The following RIPOR3 variants were observed in gnomAD, a reference collection of about 807,000 sequenced individuals.
RIPOR3 encodes the protein family with sequence similarity 65 member C.
RIPOR3 carries 95 observed loss-of-function variants against 114.3 expected under a neutral mutation model. The observed-to-expected ratio is 0.83, with a 90% CI of 0.70 to 0.99. The LOEUF (loss-of-function observed/expected upper bound fraction) is 0.99, where lower values mean the gene tolerates loss of function less well. Among genes scored for constraint, RIPOR3 ranks in the 50% least tolerant of loss-of-function variants. The probability of loss-of-function intolerance (pLI) is 0.00; values close to 1 mark genes in which losing one functional copy is unlikely to be tolerated. For synonymous variants in RIPOR3, 575 were observed against 543.8 expected (o/e 1.06, Z -0.80); for missense variants, 1,252 against 1,266.9 (o/e 0.99, Z 0.18).
chr20:50,676,958 G>A (rs914520970), intron 1 of RIPOR3, among the ~76,000 whole-genome samples: 6 of 152,086 alleles, frequency 3.9e-5, no homozygotes, highest in Non-Finnish European at 5.9e-5. Context: ...CACCAGCTGC[G>A]TGCACCGCAT....
At chr20:50,666,181 C>CCTTTTTTCTTTTCTTTT (rs1600720832) in intron 1 of RIPOR3, among the ~76,000 whole-genome samples, 1 of 14,926 alleles carries the variant, frequency 6.7e-5, no homozygotes, top group Non-Finnish European at 4.5e-4. Flanking sequence ...GAAAGGACAC[C>CCTTTTTTCTTTTCTTTT]CATTTCTTTT....
At chr20:50,633,463 T>G (rs1425694884) in intron 1 of RIPOR3, among the ~76,000 whole-genome samples, 8 of 152,102 alleles carry the variant, frequency 5.3e-5, no homozygotes, top group Non-Finnish European at 1.0e-4. Context: ...GTTACCCCTA[T>G]CAGCACCTAT....
chr20:50,637,336 C>T (rs533886235), intron 1 of RIPOR3, among the ~76,000 whole-genome samples: 20 of 152,208 alleles, frequency 1.3e-4, no homozygotes, highest in South Asian at 4.1e-4. Flanking sequence ...GCCTGGCACA[C>T]GCCTCCCTTC....
intron 1 of RIPOR3, among the ~76,000 whole-genome samples, chr20:50,644,011 C>T (rs2085299831): frequency 6.6e-6 from 1 of 150,788 alleles, no homozygotes; most frequent in African/African-American, 2.4e-5. Flanking sequence ...CCGCACCCAG[C>T]TGGGAGGCTA....
chr20:50,645,428 C>T (rs1317292000), intron 1 of RIPOR3: 1 of 152,338 alleles, frequency 6.6e-6, no homozygotes, highest in Non-Finnish European at 1.5e-5. Flanking sequence ...CTCCACCCAA[C>T]ACGTAGCCAG....
chr20:50,663,576 AATG>A (rs1424853271), intron 1 of RIPOR3, among the ~76,000 whole-genome samples: 1 of 152,178 alleles, frequency 6.6e-6, no homozygotes, highest in Non-Finnish European at 1.5e-5. Flanking sequence ...AGCTCCCTAA[AATG>A]ATGAAGTTCA....
At chr20:50,631,910 T>C (rs888364383) in intron 1 of RIPOR3, among the ~76,000 whole-genome samples, 1 of 152,158 alleles carries the variant, frequency 6.6e-6, no homozygotes, top group Non-Finnish European at 1.5e-5. Flanking sequence ...GCCAGGGTGG[T>C]GTCAATCCAA....
At chr20:50,685,221 A>G (rs1485312555) in intron 1 of RIPOR3, among the ~76,000 whole-genome samples, 1 of 87,344 alleles carries the variant, frequency 1.1e-5, no homozygotes, top group African/African-American at 3.5e-5. Context: ...GATGGGATAG[A>G]ATTTTTTTTT....
Position 50,608,242 on chromosome 20 carries a change from G to A in RIPOR3, c.956+147C>T, listed in dbSNP as rs34881140. Reference sequence around the variant, plus strand: ...AAGTTCTAGGCCTCGACCTGACTGAGGGGTGGGAGTGAGGGACAGATGAGG... The same window carrying A: ...AAGTTCTAGGCCTCGACCTGACTGAAGGGTGGGAGTGAGGGACAGATGAGG... On this transcript the variant is annotated intron_variant, in intron 11 of 21. Coordinates refer to ENST00000327979, the MANE Select transcript of RIPOR3 (RefSeq NM_001290268.2). 2.7e-6 allele frequency: 3 copies of A among 1,114,552 alleles called. No homozygotes were observed. In the African/African-American group the frequency reaches 4.7e-5, roughly 17 times the overall value. The allele number at this position is 1,114,552 out of a possible 1,614,324, so 69.0% of individuals were successfully genotyped here.
Position 50,592,595 on chromosome 20 carries a change from G to A in RIPOR3, c.2375-49C>T, listed in dbSNP as rs375356229. 41 of 1,399,208 alleles carry A rather than the reference G, an allele frequency of 2.9e-5. No individual in the cohort carries two copies. In the South Asian group the frequency reaches 4.2e-4, roughly 14 times the overall value. The allele number at this position is 1,399,208 out of a possible 1,614,324, so 86.7% of individuals were successfully genotyped here. A position where few individuals can be genotyped will look rare whatever the true frequency, so the allele number is the denominator to read the frequency against. Reference sequence around the variant, plus strand: ...CCCAGGTCCCCTGAATGGGAGTTTGGCAGGACAGCTGCAAGTTTGCTTGGC... The same window carrying A: ...CCCAGGTCCCCTGAATGGGAGTTTGACAGGACAGCTGCAAGTTTGCTTGGC... On this transcript the variant is annotated intron_variant, in intron 18 of 21. Coordinates refer to ENST00000327979, the MANE Select transcript of RIPOR3 (RefSeq NM_001290268.2).
At chr20:50,666,217 C>CTTTTCTTTT in intron 1 of RIPOR3, among the ~76,000 whole-genome samples, 1 of 117,800 alleles carries the variant, frequency 8.5e-6, no homozygotes, top group Admixed American at 8.7e-5. Context: ...CTTTTCTTTT[C>CTTTTCTTTT]TTTTCTTTTT....
chr20:50,619,880 G>T, intron 3 of RIPOR3, 106 bp downstream of exon 3: 1 of 1,409,910 alleles, frequency 7.1e-7, no homozygotes, highest in Non-Finnish European at 9.6e-7. Flanking sequence ...AACTTAACCT[G>T]TCACCTCTTG....
At chr20:50,596,465 G>A (rs1180617888) in intron 14 of RIPOR3, among the ~76,000 whole-genome samples, 1 of 152,200 alleles carries the variant, frequency 6.6e-6, no homozygotes, top group African/African-American at 2.4e-5. Flanking sequence ...AAGGGCCTGG[G>A]GAAGGCAGGG....
At chr20:50,681,224 C>CAAAAAAA (rs752151661) in intron 1 of RIPOR3, among the ~76,000 whole-genome samples, 1 of 47,780 alleles carries the variant, frequency 2.1e-5, no homozygotes, top group Non-Finnish European at 3.8e-5. Flanking sequence ...AACTCTGTCT[C>CAAAAAAA]AAAAAAAAAA....
chr20:50,674,210 C>A (rs2086617491), intron 1 of RIPOR3, among the ~76,000 whole-genome samples: 1 of 152,120 alleles, frequency 6.6e-6, no homozygotes, highest in African/African-American at 2.4e-5. Context: ...ACTCCAAGCT[C>A]TTGGGATGGG....
chr20:50,606,493 G>A (rs1307746246), intron 11 of RIPOR3, among the ~76,000 whole-genome samples: 1 of 152,198 alleles, frequency 6.6e-6, no homozygotes, highest in Non-Finnish European at 1.5e-5. Context: ...CTCCAACCAT[G>A]GCTCAGATGG....
intron 4 of RIPOR3, among the ~76,000 whole-genome samples, chr20:50,611,804 G>A (rs563058005): frequency 5.9e-5 from 9 of 152,218 alleles, no homozygotes; most frequent in African/African-American, 1.7e-4. Flanking sequence ...GGCAGGCCAC[G>A]GCGCCCCATG....
At chr20:50,588,343 C>T (rs768839580) in intron 20 of RIPOR3, among the ~76,000 whole-genome samples, 16 of 152,258 alleles carry the variant, frequency 1.1e-4, no homozygotes, top group Non-Finnish European at 1.8e-4. Context: ...ACCTGGCCCT[C>T]GCTGGTTTTC....
chr20:50,594,919 C>T lies in RIPOR3; in HGVS notation c.2051-205G>A, dbSNP rs2083236974. ...TACCAGGGCCACCACCTGCAGTCCC[C>T]ACAACAACCTGGGAGGGGCTGCTGT... On this transcript the variant is annotated intron_variant, in intron 16 of 21. Transcript: ENST00000327979. 5 of 566,246 alleles carry T rather than the reference C, an allele frequency of 8.8e-6. No individual in the cohort carries two copies. In the East Asian group the frequency reaches 1.4e-4, roughly 16 times the overall value. 35.1% of individuals were successfully genotyped at this position (566,246 alleles called of 1,614,324 possible).
Sources: gnomAD v4.1 joint callset for allele counts (sites outside exome capture counted in the v4.1 genomes callset) on GRCh38, gnomAD v4.1.1 for gene constraint, MANE v1.5 for transcripts, NCBI Gene and HGNC (gene_info 2026-07-23, HGNC 2026-07-21) for gene names.